PRKD1: variants seen among roughly 807,000 people sequenced by gnomAD.
PRKD1 encodes the protein protein kinase D1.
In PRKD1, 63 loss-of-function variants were observed where a neutral mutation model predicts 95.9. That is an observed-to-expected ratio of 0.66 (90% CI 0.54 to 0.81). PRKD1 has a LOEUF of 0.81. Among genes scored for constraint, PRKD1 ranks in the 30% least tolerant of loss-of-function variants. The probability of loss-of-function intolerance (pLI) is 0.00; values close to 1 mark genes in which losing one functional copy is unlikely to be tolerated. For synonymous variants in PRKD1, 425 were observed against 423.1 expected (o/e 1.00, Z -0.05); for missense variants, 1,048 against 1,165.3 (o/e 0.90, Z 1.47).
chr14:29,858,895 G>A (rs1892604927), intron 1 of PRKD1, among the ~76,000 whole-genome samples: 1 of 152,102 alleles, frequency 6.6e-6, no homozygotes, highest in Non-Finnish European at 1.5e-5. Context: ...ACCTATAAGT[G>A]TCTGTAAGTC....
chr14:29,735,480 G>A (rs1474515471), intron 1 of PRKD1, among the ~76,000 whole-genome samples: 1 of 152,170 alleles, frequency 6.6e-6, no homozygotes, highest in Non-Finnish European at 1.5e-5. Context: ...AAAAATTCAA[G>A]GGATTTAGTG....
At chr14:29,640,063 T>C (rs558307198) in intron 4 of PRKD1, among the ~76,000 whole-genome samples, 1 of 152,312 alleles carries the variant, frequency 6.6e-6, no homozygotes, top group South Asian at 2.1e-4. Context: ...ATGTATCTCA[T>C]TTATATATCT....
chr14:29,723,267 T>A (rs939710750), intron 2 of PRKD1, among the ~76,000 whole-genome samples: 3 of 152,068 alleles, frequency 2.0e-5, no homozygotes, highest in African/African-American at 7.2e-5. Context: ...GAAGGTGACA[T>A]AAATAATTAA....
At chr14:29,691,669 A>G (rs1478019789) in intron 2 of PRKD1, among the ~76,000 whole-genome samples, 1 of 152,188 alleles carries the variant, frequency 6.6e-6, no homozygotes, top group African/African-American at 2.4e-5. Context: ...AAGTAAAACC[A>G]CAATTACTTT....
At chr14:29,891,251 G>A (rs1387380080) in intron 1 of PRKD1, among the ~76,000 whole-genome samples, 1 of 152,156 alleles carries the variant, frequency 6.6e-6, no homozygotes, top group Non-Finnish European at 1.5e-5. Context: ...GAAACTCAAG[G>A]GAGAGCAACA....
intron 1 of PRKD1, among the ~76,000 whole-genome samples, chr14:29,766,745 A>C (rs1888276936): frequency 1.3e-5 from 2 of 152,206 alleles, no homozygotes; most frequent in Admixed American, 1.3e-4. Flanking sequence ...AATGCAAAAA[A>C]TGAGATATTC....
At chr14:29,895,844 C>T (rs1160384766) in intron 1 of PRKD1, among the ~76,000 whole-genome samples, 3 of 152,192 alleles carry the variant, frequency 2.0e-5, no homozygotes, top group Non-Finnish European at 2.9e-5. Context: ...CTATGTAACA[C>T]TGTAACCTGC....
intron 2 of PRKD1, among the ~76,000 whole-genome samples, chr14:29,691,640 AG>A (rs779677590): frequency 9.9e-5 from 15 of 152,176 alleles, no homozygotes; most frequent in Non-Finnish European, 1.6e-4. Flanking sequence ...TTGGTGCAAA[AG>A]TAATCAGGTT....
chr14:29,673,079 T>C (rs1370956175), intron 2 of PRKD1, among the ~76,000 whole-genome samples: 1 of 152,178 alleles, frequency 6.6e-6, no homozygotes, highest in Non-Finnish European at 1.5e-5. Flanking sequence ...CTATGGCTGC[T>C]GCAAAACATC....
chr14:29,901,457 C>T (rs1457128092), intron 1 of PRKD1, among the ~76,000 whole-genome samples: 3 of 152,120 alleles, frequency 2.0e-5, no homozygotes, highest in East Asian at 1.9e-4. Flanking sequence ...ACGCATTTAA[C>T]GAACCTGCAC....
intron 4 of PRKD1, chr14:29,656,367 G>A (rs1881837852): frequency 8.3e-7 from 1 of 1,205,464 alleles, no homozygotes; most frequent in African/African-American, 1.5e-5. Context: ...ACTCTGACCT[G>A]ATTATTCTCA....
intron 2 of PRKD1, among the ~76,000 whole-genome samples, chr14:29,690,685 A>G (rs1483752040): frequency 1.3e-5 from 2 of 152,108 alleles, no homozygotes; most frequent in African/African-American, 4.8e-5. Context: ...TAATCCTCCA[A>G]TCTGTTGATC....
At chr14:29,885,802 A>C (rs1893681706) in intron 1 of PRKD1, among the ~76,000 whole-genome samples, 1 of 130,110 alleles carries the variant, frequency 7.7e-6, no homozygotes, top group Admixed American at 8.0e-5. Context: ...CCCCATCTTT[A>C]CTAAAAAAAA....
At chr14:29,810,279 C>T (rs1375620973) in intron 1 of PRKD1, among the ~76,000 whole-genome samples, 1 of 152,156 alleles carries the variant, frequency 6.6e-6, no homozygotes, top group Non-Finnish European at 1.5e-5. Context: ...AATAGACATG[C>T]TTGATGCAAT....
At chr14:29,582,690 A>C (rs1397408720) in intron 16 of PRKD1, among the ~76,000 whole-genome samples, 1 of 152,168 alleles carries the variant, frequency 6.6e-6, no homozygotes. Context: ...AGGAACAGCC[A>C]GTCTAGTAAA....
In PRKD1 at chr14:29,595,711, C is replaced by A. The variant is rs147184234; in HGVS notation, c.2434+1780G>T. Among the ~76,000 whole-genome samples, 368 of 152,278 alleles carry A rather than the reference C, an allele frequency of 2.4e-3. 1 individual carries two copies. Among genetic ancestry groups the A allele is most frequent in the Admixed American group, 4.2e-3 (64 of 15,296 alleles). Reference sequence around the variant, plus strand: ...AAGCAGAGATGGGGCATCATTTGTTCCACTACTCCTAGAAAAAGGATTTAA... The same window carrying A: ...AAGCAGAGATGGGGCATCATTTGTTACACTACTCCTAGAAAAAGGATTTAA... On this transcript the variant is annotated intron_variant, in intron 16 of 17. Transcript: ENST00000331968.
intron 13 of PRKD1, among the ~76,000 whole-genome samples, chr14:29,613,054 T>C (rs8012880): frequency 0.97 from 147,288 of 152,158 alleles, 71,334 homozygotes; most frequent in Middle Eastern, 0.98. Flanking sequence ...GCCAAGATCA[T>C]GCCACTGCAC....
intron 16 of PRKD1, among the ~76,000 whole-genome samples, chr14:29,597,093 T>A (rs1401569726): frequency 6.6e-6 from 1 of 152,170 alleles, no homozygotes; most frequent in Admixed American, 6.5e-5. Context: ...CTTGGTATAC[T>A]AACATATGTT....
intron 1 of PRKD1, among the ~76,000 whole-genome samples, chr14:29,818,616 G>GA (rs71108499): frequency 0.4 from 51,395 of 129,734 alleles, 9,860 homozygotes; most frequent in Non-Finnish European, 0.48. Flanking sequence ...TACTTCATTT[G>GA]AAAAAAAAAA....
Sources: allele counts gnomAD v4.1 joint callset (sites outside exome capture counted in the v4.1 genomes callset), GRCh38; gene constraint gnomAD v4.1.1; transcripts MANE v1.5; gene names NCBI Gene and HGNC (gene_info 2026-07-23, HGNC 2026-07-21).